CSNK1D: variants seen among roughly 807,000 people sequenced by gnomAD.
The protein encoded by CSNK1D is casein kinase I isoform delta.
CSNK1D carries 16 observed loss-of-function variants against 46.6 expected under a neutral mutation model. The observed-to-expected ratio is 0.34, with a 90% CI of 0.23 to 0.52. CSNK1D has a LOEUF of 0.52. Among genes scored for constraint, CSNK1D ranks in the 20% least tolerant of loss-of-function variants. The probability of loss-of-function intolerance (pLI) is 0.95; values close to 1 mark genes in which losing one functional copy is unlikely to be tolerated. For synonymous variants in CSNK1D, 276 were observed against 228.2 expected, an observed-to-expected ratio of 1.21 and a Z score of -1.89; for missense variants, 398 against 578.4, an observed-to-expected ratio of 0.69 and a Z score of 3.20.
In CSNK1D at chr17:82,243,362, G is replaced by A. The variant is rs902567362; in HGVS notation, c.*1419C>T. The A allele has an allele frequency of 2.1e-5, 21 of 985,470 alleles. No individual in the cohort carries two copies. Among genetic ancestry groups the A allele is most frequent in the South Asian group, 4.7e-5 (1 of 21,298 alleles). 61.0% of individuals were successfully genotyped at this position (985,470 alleles called of 1,614,324 possible). On this transcript the variant is annotated 3_prime_UTR_variant, in exon 9 of 9. Transcript: ENST00000314028. ...AGTGCCCACGAACACAGACTGCCCT[G>A]CGCATTGGGGTTGGGAGCACATGGC... is the stretch of plus-strand genomic sequence containing the variant.
At chr17:82,259,705 G>A (rs1288771709) in intron 2 of CSNK1D, among the ~76,000 whole-genome samples, 1 of 152,200 alleles carries the variant, frequency 6.6e-6, no homozygotes, top group Non-Finnish European at 1.5e-5. Flanking sequence ...TGAGTCAGAC[G>A]AAGCTACTGT....
intron 8 of CSNK1D, chr17:82,247,620 G>A (rs1047236114): frequency 1.0e-5 from 10 of 985,288 alleles, no homozygotes; most frequent in East Asian, 1.1e-4. Flanking sequence ...AGACCCTCCC[G>A]GGAACTGCTC....
In CSNK1D at chr17:82,252,901, G is replaced by C. The variant is rs1395460636; in HGVS notation, c.565+115C>G. On this transcript the variant is annotated intron_variant, in intron 4 of 8. Coordinates refer to ENST00000314028, the MANE Select transcript of CSNK1D (RefSeq NM_001893.6). The surrounding 1 kb of genome is among the most constrained non-coding windows in gnomAD (Gnocchi z 4.6). ...CACGAGCCAGCCTGTCTGCCGCAAA[G>C]GTCTGATGACACGCTTGCAGCCCCA... is the stretch of plus-strand genomic sequence containing the variant. The C allele has an allele frequency of 1.0e-5, 10 of 988,716 alleles. No individual in the cohort carries two copies. The East Asian group carries it at 2.6e-4, about 26-fold the overall frequency. The allele number at this position is 988,716 out of a possible 1,614,324, so 61.2% of individuals were successfully genotyped here.
Position 82,244,430 on chromosome 17 carries a change from A to C in CSNK1D, c.*351T>G, listed in dbSNP as rs1475417476. 20 of 1,261,208 alleles carry C rather than the reference A, an allele frequency of 1.6e-5. No homozygotes were observed. Among genetic ancestry groups the C allele is most frequent in the Admixed American group, 3.5e-5 (1 of 28,876 alleles). The allele number at this position is 1,261,208 out of a possible 1,614,324, so 78.1% of individuals were successfully genotyped here. On this transcript the variant is annotated 3_prime_UTR_variant, in exon 9 of 9. Coordinates refer to ENST00000314028, the MANE Select transcript of CSNK1D (RefSeq NM_001893.6). ...TACAAAACTGTCTTAACCAAGTAGA[A>C]GATTGGTAGTTACAGTGGAATCGTC...
chr17:82,252,812 C>T lies in CSNK1D; in HGVS notation c.565+204G>A, dbSNP rs2051047729. The stretch of plus-strand genomic sequence containing the variant: ...CCCCTCATGCATACTAAGGAAATTC[C>T]CAAACACATCACAGGTGACTCAGAA... On this transcript the variant is annotated intron_variant, in intron 4 of 8. Coordinates refer to ENST00000314028, the MANE Select transcript of CSNK1D (RefSeq NM_001893.6). The surrounding 1 kb of genome is among the most constrained non-coding windows in gnomAD (Gnocchi z 4.6). Among the ~76,000 whole-genome samples, 1 of 152,180 alleles carries T rather than the reference C, an allele frequency of 6.6e-6. No homozygotes were observed.
In CSNK1D at chr17:82,248,221, A is replaced by G. The variant is rs1213176890; in HGVS notation, c.1197+654T>C. ...AAATATAATGGATCCATATGGAGAA[A>G]GCTGTTCTAGTTCAAAGAGCACGTT... On this transcript the variant is annotated intron_variant, in intron 8 of 8. Coordinates refer to ENST00000314028, the MANE Select transcript of CSNK1D (RefSeq NM_001893.6). This position sits in a 1 kb window ranked among gnomAD's most constrained non-coding sequence, Gnocchi z 4.1. 4.1e-6 allele frequency: 4 copies of G among 985,690 alleles called. No homozygotes were observed. Among genetic ancestry groups the G allele is most frequent in the Non-Finnish European group, 4.8e-6 (4 of 830,174 alleles). 61.1% of individuals were successfully genotyped at this position (985,690 alleles called of 1,614,324 possible).
intron 1 of CSNK1D, among the ~76,000 whole-genome samples, chr17:82,270,706 G>A (rs1016300882): frequency 5.3e-5 from 8 of 152,036 alleles, no homozygotes; most frequent in African/African-American, 9.7e-5. Flanking sequence ...CCGTGGGGTC[G>A]TCTGAAAGGA....
chr17:82,270,509 G>A (rs767253790), intron 1 of CSNK1D, among the ~76,000 whole-genome samples: 56 of 152,198 alleles, frequency 3.7e-4, no homozygotes, highest in Non-Finnish European at 4.7e-4. Flanking sequence ...ACACACAGAG[G>A]TCAAGATGAA....
intron 1 of CSNK1D, among the ~76,000 whole-genome samples, chr17:82,266,420 C>T (rs1295659656): frequency 6.6e-6 from 1 of 152,240 alleles, no homozygotes; most frequent in African/African-American, 2.4e-5. Context: ...CCTAAATGTA[C>T]CACCTACCAA....
At chr17:82,247,427 CACTTT>C (rs1216196853) in intron 8 of CSNK1D, 3 of 985,370 alleles carry the variant, frequency 3.0e-6, no homozygotes, top group South Asian at 4.7e-5. Flanking sequence ...AACCACTGGA[CACTTT>C]ACTTTCTTTA....
At chr17:82,247,737 T>G in intron 8 of CSNK1D, 2 of 985,422 alleles carry the variant, frequency 2.0e-6, no homozygotes, top group Non-Finnish European at 2.4e-6. Context: ...AAGGGACCCA[T>G]TCTCGTGACG....
chr17:82,239,758 G>A (rs779670163), downstream of CSNK1D: 11 of 392,536 alleles, frequency 2.8e-5, no homozygotes, highest in Admixed American at 4.4e-5. Context: ...TCACTGCTGT[G>A]TTTAAGAAAC....
downstream of CSNK1D, among the ~76,000 whole-genome samples, chr17:82,241,346 A>T (rs1218633945): frequency 2.6e-5 from 4 of 152,294 alleles, no homozygotes; most frequent in East Asian, 7.7e-4. Context: ...TCTATGGTGA[A>T]GCTCCCGGGA....
chr17:82,244,827 G>C lies in CSNK1D; in HGVS notation c.1202C>G (p.Pro401Arg). 1 of 1,613,818 alleles carries C rather than the reference G, an allele frequency of 6.2e-7. No individual in the cohort carries two copies. The highest frequency in any genetic ancestry group is 8.5e-7 in the Non-Finnish European group (1 of 1,180,034). Residue 401 changes from proline (P) to arginine (R), a missense_variant, in exon 9 of 9, where the codon CCT becomes CGT. Coordinates refer to ENST00000314028, the MANE Select transcript of CSNK1D (RefSeq NM_001893.6). ...DTSRMSTSQI[P>R]GRVASSGLQS... ...AAGACCACTGGAAGCCACCCGACCAGGAATCTGTCGGAGCCAAAGCACAGG... is the reference window on the plus strand; with the variant it reads ...AAGACCACTGGAAGCCACCCGACCACGAATCTGTCGGAGCCAAAGCACAGG...
At position 82,248,814 on chromosome 17, in the gene CSNK1D, C is replaced by T. The variant is rs530101590; in HGVS notation, c.1197+61G>A. The T allele has an allele frequency of 2.8e-4, 436 of 1,572,136 alleles. No homozygotes were observed. In the African/African-American group the frequency reaches 4.9e-3, roughly 18 times the overall value. On this transcript the variant is annotated intron_variant, in intron 8 of 8. Transcript: ENST00000314028. This position sits in a 1 kb window ranked among gnomAD's most constrained non-coding sequence, Gnocchi z 4.1. Reference sequence around the variant, plus strand: ...AAGAAGCCCTGGAGAAACCACAGCCCGCTCTTGACTCGGACGGGGTAGCCC... The same window carrying T: ...AAGAAGCCCTGGAGAAACCACAGCCTGCTCTTGACTCGGACGGGGTAGCCC...
intron 2 of CSNK1D, 149 bp downstream of exon 2, chr17:82,265,537 G>T: frequency 1.4e-6 from 1 of 702,630 alleles, no homozygotes; most frequent in African/African-American, 1.7e-5. Context: ...TCTGAAGGAA[G>T]CTGTGACTGC....
At chr17:82,270,064 T>C (rs11658525) in intron 1 of CSNK1D, among the ~76,000 whole-genome samples, 1 of 152,238 alleles carries the variant, frequency 6.6e-6, no homozygotes, top group Non-Finnish European at 1.5e-5. Flanking sequence ...GTGTGGGCTG[T>C]GTCACCTTCC....
chr17:82,240,957 G>A (rs1219348136), downstream of CSNK1D, among the ~76,000 whole-genome samples: 1 of 152,196 alleles, frequency 6.6e-6, no homozygotes, highest in Admixed American at 6.5e-5. Context: ...AGGGAAGCCC[G>A]GAGCCCACTG....
At chr17:82,246,796 A>C (rs2050861986) in intron 8 of CSNK1D, 1 of 987,260 alleles carries the variant, frequency 1.0e-6, no homozygotes, top group Non-Finnish European at 1.2e-6. Flanking sequence ...GAGGAGCAGA[A>C]AGAACAGGGA....
Sources: allele counts gnomAD v4.1 joint callset (sites outside exome capture counted in the v4.1 genomes callset), GRCh38; gene constraint gnomAD v4.1.1; non-coding constraint Gnocchi (gnomAD v3.1); transcripts MANE v1.5; gene names NCBI Gene and HGNC (gene_info 2026-07-23, HGNC 2026-07-21).